Variants in ULK4 observed in about 807,000 individuals in gnomAD.
ULK4 encodes unc-51 like kinase 4, also known as inactive serine/threonine-protein kinase ULK4.
In ULK4, 133 loss-of-function variants were observed where a neutral mutation model predicts 160.6. The observed-to-expected ratio is 0.83, with a 90% CI of 0.72 to 0.96. The LOEUF (loss-of-function observed/expected upper bound fraction) is 0.96. Among genes scored for constraint, ULK4 ranks in the 40% least tolerant of loss-of-function variants. ULK4 has a pLI of 0.00. For missense variants in ULK4, 1,580 were observed against 1,499.5 expected, an observed-to-expected ratio of 1.05 and a Z score of -0.89; for synonymous variants, 534 against 539.8, an observed-to-expected ratio of 0.99 and a Z score of 0.15.
intron 4 of ULK4, among the ~76,000 whole-genome samples, chr3:41,933,582 A>AT (rs1326607287): frequency 6.6e-6 from 1 of 152,198 alleles, no homozygotes; most frequent in Non-Finnish European, 1.5e-5. Context: ...TTTTCAGATC[A>AT]TAACAGCTGA....
At chr3:41,405,800 C>T (rs1378449287) in intron 34 of ULK4, among the ~76,000 whole-genome samples, 3 of 149,066 alleles carry the variant, frequency 2.0e-5, no homozygotes, top group Non-Finnish European at 3.0e-5. Flanking sequence ...AGTCTTCTGC[C>T]CATTTTTTAA....
At chr3:41,780,857 G>A (rs989810505) in intron 21 of ULK4, among the ~76,000 whole-genome samples, 15 of 152,088 alleles carry the variant, frequency 9.9e-5, no homozygotes, top group Non-Finnish European at 4.4e-5. Flanking sequence ...ACAAATAATA[G>A]GTTGGTCTTA....
chr3:41,413,719 C>A (rs915911172), intron 34 of ULK4, among the ~76,000 whole-genome samples: 3 of 152,006 alleles, frequency 2.0e-5, no homozygotes, highest in Non-Finnish European at 2.9e-5. Context: ...GTCTGGGAAC[C>A]AGAACTCCCC....
At chr3:41,546,835 C>T (rs915649573) in intron 32 of ULK4, among the ~76,000 whole-genome samples, 9 of 148,814 alleles carry the variant, frequency 6.0e-5, no homozygotes, top group African/African-American at 2.2e-4. Context: ...TCACTCCACT[C>T]AAGGACCACA....
In ULK4 at chr3:41,317,483, ATAT is replaced by A. The variant is rs200348962; in HGVS notation, c.3679-67912_3679-67910del. On this transcript the variant is annotated intron_variant, in intron 35 of 36. Coordinates refer to ENST00000301831, the MANE Select transcript of ULK4 (RefSeq NM_017886.4). ...TGCACAGAACAGATTATTGATAATG[ATAT>A]TATTGATAACGATTGATAATGATTA... is the stretch of plus-strand genomic sequence containing the variant. Among the ~76,000 whole-genome samples the A allele has an allele frequency of 6.4e-3, 967 of 152,258 alleles. 8 individuals are homozygous for A. Among genetic ancestry groups the A allele is most frequent in the African/African-American group, 0.022 (925 of 41,542 alleles).
chr3:41,720,758 G>A (rs1286931855), intron 22 of ULK4, among the ~76,000 whole-genome samples: 1 of 152,128 alleles, frequency 6.6e-6, no homozygotes, highest in African/African-American at 2.4e-5. Flanking sequence ...AAGACTCTGA[G>A]GATACTGATA....
chr3:41,644,265 T>C (rs1197740880), intron 30 of ULK4, among the ~76,000 whole-genome samples: 2 of 151,934 alleles, frequency 1.3e-5, no homozygotes, highest in African/African-American at 4.8e-5. Flanking sequence ...ATCCCTGTCT[T>C]GTGCCAGTTT....
At chr3:41,623,388 T>C (rs530191552) in intron 30 of ULK4, among the ~76,000 whole-genome samples, 1 of 152,244 alleles carries the variant, frequency 6.6e-6, no homozygotes, top group Admixed American at 6.5e-5. Context: ...AAAGTCCACC[T>C]TGATGTCTAG....
At chr3:41,840,148 G>A (rs1208816107) in intron 17 of ULK4, among the ~76,000 whole-genome samples, 2 of 152,160 alleles carry the variant, frequency 1.3e-5, no homozygotes, top group African/African-American at 2.4e-5. Context: ...GAAAATGTGG[G>A]CCAGGCACAG....
chr3:41,900,494 C>T (rs1449449208), intron 13 of ULK4, among the ~76,000 whole-genome samples: 1 of 152,078 alleles, frequency 6.6e-6, no homozygotes, highest in African/African-American at 2.4e-5. Flanking sequence ...CTGACTCATT[C>T]AAAACAGAGG....
At chr3:41,448,363 A>G (rs528812759) in intron 34 of ULK4, among the ~76,000 whole-genome samples, 1 of 152,274 alleles carries the variant, frequency 6.6e-6, no homozygotes, top group East Asian at 1.9e-4. Flanking sequence ...TGAAAGGAGA[A>G]TGAGCTAAGG....
intron 32 of ULK4, among the ~76,000 whole-genome samples, chr3:41,484,378 C>A (rs964973065): frequency 6.6e-6 from 1 of 151,900 alleles, no homozygotes; most frequent in African/African-American, 2.4e-5. Context: ...ACAGAGAAAA[C>A]CCCCTGGACT....
At chr3:41,781,740 A>T (rs1450414764) in intron 21 of ULK4, among the ~76,000 whole-genome samples, 1 of 152,178 alleles carries the variant, frequency 6.6e-6, no homozygotes, top group Non-Finnish European at 1.5e-5. Flanking sequence ...GGAGTTCGAG[A>T]CCAGCCTGGC....
At chr3:41,280,560 T>C (rs1464073989) in intron 35 of ULK4, among the ~76,000 whole-genome samples, 15 of 152,160 alleles carry the variant, frequency 9.9e-5, no homozygotes, top group Admixed American at 9.8e-4. Flanking sequence ...GAGTGACTAC[T>C]GAGTAAACAA....
At chr3:41,828,433 T>C (rs1205002038) in intron 18 of ULK4, among the ~76,000 whole-genome samples, 1 of 147,240 alleles carries the variant, frequency 6.8e-6, no homozygotes, top group Non-Finnish European at 1.5e-5. Flanking sequence ...CTTAAGCTGA[T>C]AAGCAACTTC....
At chr3:41,434,425 T>G (rs1043652592) in intron 34 of ULK4, among the ~76,000 whole-genome samples, 38 of 152,350 alleles carry the variant, frequency 2.5e-4, no homozygotes, top group African/African-American at 8.9e-4. Flanking sequence ...GGGGCATATA[T>G]ACATTTATTT....
At chr3:41,610,900 G>A (rs996165552) in intron 31 of ULK4, among the ~76,000 whole-genome samples, 11 of 152,268 alleles carry the variant, frequency 7.2e-5, no homozygotes, top group African/African-American at 2.6e-4. Flanking sequence ...ATGATTTACT[G>A]AAGTAGGCCA....
At chr3:41,259,443 A>G (rs1286616548) in intron 35 of ULK4, among the ~76,000 whole-genome samples, 1 of 152,192 alleles carries the variant, frequency 6.6e-6, no homozygotes, top group Non-Finnish European at 1.5e-5. Context: ...CAGCCTCTTC[A>G]GTTTGCAGGA....
chr3:41,942,405 G>C (rs137877147), intron 2 of ULK4, among the ~76,000 whole-genome samples: 1 of 152,054 alleles, frequency 6.6e-6, no homozygotes, highest in Non-Finnish European at 1.5e-5. Flanking sequence ...TGAAATTCCA[G>C]GAACTCAGGG....
Sources: allele counts gnomAD v4.1 joint callset (sites outside exome capture counted in the v4.1 genomes callset), GRCh38; gene constraint gnomAD v4.1.1; transcripts MANE v1.5; gene names NCBI Gene and HGNC (gene_info 2026-07-23, HGNC 2026-07-21).